INTS1: variants seen among roughly 807,000 people sequenced by gnomAD.
INTS1 encodes integrator complex subunit 1.
Under a neutral mutation model 241.6 loss-of-function variants are expected in INTS1, and 137 were observed. That is an observed-to-expected ratio of 0.57 (90% CI 0.49 to 0.65). The LOEUF is 0.65. Ranked by LOEUF, INTS1 falls within the 30% of genes least tolerant of loss-of-function variation. INTS1 has a pLI of 0.00. For missense variants in INTS1, 3,073 were observed against 3,032.2 expected, an observed-to-expected ratio of 1.01 and a Z score of -0.32; for synonymous variants, 1,692 against 1,337.8, an observed-to-expected ratio of 1.26 and a Z score of -5.78.
chr7:1,489,263 C>G lies in INTS1; in HGVS notation c.2318+81G>C, dbSNP rs1380217597. ...TGCTGATGCAGCACGACCCAGGAGA[C>G]AGCAGGGAACACAGCCCCAGCGGAA... is the stretch of plus-strand genomic sequence containing the variant. On this transcript the variant is annotated intron_variant, in intron 18 of 47. Coordinates refer to ENST00000404767, the MANE Select transcript of INTS1 (RefSeq NM_001080453.3). 4.6e-6 allele frequency: 5 copies of G among 1,092,136 alleles called. No individual in the cohort carries two copies. In the African/African-American group the frequency reaches 7.8e-5, roughly 17 times the overall value. The allele number at this position is 1,092,136 out of a possible 1,614,324, so 67.7% of individuals were successfully genotyped here.
chr7:1,484,931 G>A (rs987500559), intron 24 of INTS1, among the ~76,000 whole-genome samples, 167 bp downstream of exon 24: 1 of 137,968 alleles, frequency 7.2e-6, no homozygotes, highest in East Asian at 2.4e-4. Context: ...CCAGGGCAGG[G>A]TCTCTGTGCT....
rs1486073291 is a variant in INTS1 at position 1,480,923 on chromosome 7, G to T, written c.3861C>A (p.Ala1287=). ...GCTCATGCTGGACCTCCACCAGGTG[G>T]GCCATGTAATCTGCAAACCGTAGCA... ...EQNIMDKNYM[A]HLVEVQHERG... The change falls in exon 29 of 48, where the codon GCC becomes GCA. Residue 1287 remains alanine, a synonymous_variant. Transcript: ENST00000404767. 2 of 1,573,600 alleles carry T rather than the reference G, an allele frequency of 1.3e-6. No homozygotes were observed. Among genetic ancestry groups the T allele is most frequent in the African/African-American group, 2.7e-5 (2 of 74,176 alleles).
chr7:1,486,971 T>A lies in INTS1; in HGVS notation c.2777A>T (p.Glu926Val). Residue 926 changes from glutamate to valine, a missense_variant, in exon 21 of 48, where the codon GAG (glutamate) becomes GTG (valine). Transcript: ENST00000404767. The stretch of plus-strand genomic sequence containing the variant: ...CTTGCTCTCGCCCTCGTCGTCCTCC[T>A]CCCCGGAAGCAGCATCGTCCACAGC... Reference protein sequence around the residue: ...HDAVDDAASGEEDDEGESKEQ... With the variant: ...HDAVDDAASGVEDDEGESKEQ... 1 of 1,608,032 alleles carries A rather than the reference T, an allele frequency of 6.2e-7. No homozygotes were observed. Among genetic ancestry groups the A allele is most frequent in the Non-Finnish European group, 8.5e-7 (1 of 1,179,280 alleles).
chr7:1,499,688 G>C, intron 5 of INTS1, 56 bp from the exon 6 acceptor site: 1 of 1,545,506 alleles, frequency 6.5e-7, no homozygotes, highest in East Asian at 2.3e-5. Context: ...GCCAGGTTGG[G>C]GAACACCCGC....
Position 1,493,202 on chromosome 7 carries a change from G to C in INTS1, c.2069-96C>G, listed in dbSNP as rs904942994. 1 of 916,278 alleles carries C rather than the reference G, an allele frequency of 1.1e-6. No homozygotes were observed. Among genetic ancestry groups the C allele is most frequent in the East Asian group, 2.7e-5 (1 of 36,932 alleles). The allele number at this position is 916,278 out of a possible 1,614,324, so 56.8% of individuals were successfully genotyped here. The stretch of plus-strand genomic sequence containing the variant: ...GGCCCTGCTCGGGCCGCGTCGGGGT[G>C]GGGTGGGGGATGCCGCAGGGTGGGG... On this transcript the variant is annotated intron_variant, in intron 15 of 47. Coordinates refer to ENST00000404767, the MANE Select transcript of INTS1 (RefSeq NM_001080453.3). This position sits in a 1 kb window ranked among gnomAD's most constrained non-coding sequence, Gnocchi z 5.3.
In INTS1 at chr7:1,487,915, G is replaced by A. The variant is rs906610902; in HGVS notation, c.2361C>T (p.Thr787=). 4 of 1,613,344 alleles carry A rather than the reference G, an allele frequency of 2.5e-6. No individual in the cohort carries two copies. Among genetic ancestry groups the A allele is most frequent in the Non-Finnish European group, 2.5e-6 (3 of 1,179,850 alleles). The change falls in exon 19 of 48, where the codon ACC becomes ACT. Residue 787 remains threonine (T), a synonymous_variant. Coordinates refer to ENST00000404767, the MANE Select transcript of INTS1 (RefSeq NM_001080453.3). ...GCTCACGGTTCAGCATCTCCGTCCGGGTCTCCTCATCCGTCAGGGTGCACG... is the reference window on the plus strand; with the variant it reads ...GCTCACGGTTCAGCATCTCCGTCCGAGTCTCCTCATCCGTCAGGGTGCACG... The part of the protein sequence containing the change: ...YPPCTLTDEE[T]RTEMLNRELQ...
At chr7:1,498,874 A>T in intron 8 of INTS1, 22 bp from the exon 9 acceptor site, 1 of 1,584,546 alleles carries the variant, frequency 6.3e-7, no homozygotes, top group Non-Finnish European at 8.6e-7. Flanking sequence ...AGGAGGGAGC[A>T]GTGGGCTCAC....
Position 1,499,049 on chromosome 7 carries a change from T to C in INTS1, c.1063A>G (p.Thr355Ala), listed in dbSNP as rs1430015775. 6.3e-7 allele frequency: 1 copy of C among 1,579,032 alleles called. No homozygotes were observed. The highest frequency in any genetic ancestry group is 1.8e-5 in the Admixed American group (1 of 55,274). ...NVSRNLLRLL[T>A]STCGYKEVRL... ...ACCTCCTTATAGCCGCAGGTGGAGG[T>C]GAGGAGCCGCAGGAGGTTCCTGGAG... is the stretch of plus-strand genomic sequence containing the variant. The change falls in exon 8 of 48, where the codon ACC becomes GCC. Residue 355 changes from threonine to alanine, a missense_variant. Coordinates refer to ENST00000404767, the MANE Select transcript of INTS1 (RefSeq NM_001080453.3).
At chr7:1,498,629 G>GCC in intron 9 of INTS1, 76 bp from the exon 10 acceptor site, 1 of 1,218,404 alleles carries the variant, frequency 8.2e-7, no homozygotes, top group Non-Finnish European at 1.1e-6. Context: ...CACTCCGCCC[G>GCC]CACCCCCGCT....
intron 42 of INTS1, 65 bp from the exon 43 acceptor site, chr7:1,473,249 T>A: frequency 9.2e-7 from 1 of 1,082,420 alleles, no homozygotes; most frequent in Non-Finnish European, 1.3e-6. Context: ...GGGTCAGGGG[T>A]CAAACTAGGG....
rs1315205929 is a variant in INTS1, at chr7:1,471,596, C to G, written c.6230G>C (p.Arg2077Thr). The part of the protein sequence containing the change: ...LSDIDEMSRR[R>T]PEILSFFSTN... ...CGAGAAGAAGCTCAGGATCTCGGGT[C>G]TCCGCCGGGACATCTCGTCTATGTC... The change falls in exon 45 of 48, where the codon AGA (arginine) becomes ACA (threonine). Residue 2077 changes from arginine to threonine, a missense_variant. Physicochemically the swap from Arg to Thr is moderately conservative, Grantham distance 71. Coordinates refer to ENST00000404767, the MANE Select transcript of INTS1 (RefSeq NM_001080453.3). 6.2e-7 allele frequency: 1 copy of G among 1,612,430 alleles called. No homozygotes were observed. The highest frequency in any genetic ancestry group is 1.1e-5 in the South Asian group (1 of 91,088).
In INTS1 at chr7:1,496,273, G is replaced by A. The variant is rs535250245; in HGVS notation, c.1603-9C>T. 6.2e-7 allele frequency: 1 copy of A among 1,612,630 alleles called. No individual in the cohort carries two copies. The highest frequency in any genetic ancestry group is 8.5e-7 in the Non-Finnish European group (1 of 1,178,956). ...TGCACCACGAAGCGCTCCTGCAGGT[G>A]CAGCACGGGGTCTGTATCCAGAAGG... On this transcript the variant is annotated splice_polypyrimidine_tract_variant and intron_variant, in intron 11 of 47. Transcript: ENST00000404767.
intron 20 of INTS1, 78 bp from the exon 21 acceptor site, chr7:1,487,179 G>T: frequency 6.6e-7 from 1 of 1,514,310 alleles, no homozygotes; most frequent in Non-Finnish European, 8.9e-7. Flanking sequence ...TGACCGCGGA[G>T]CCGGAAAGGG....
At chr7:1,491,842 G>A (rs1217266650) in intron 16 of INTS1, among the ~76,000 whole-genome samples, 2 of 152,224 alleles carry the variant, frequency 1.3e-5, no homozygotes, top group Non-Finnish European at 2.9e-5. Context: ...AGGCTGCAGT[G>A]AACCGTTGAT....
chr7:1,478,068 A>T, intron 33 of INTS1, 132 bp from the exon 34 acceptor site: 1 of 793,556 alleles, frequency 1.3e-6, no homozygotes, highest in Non-Finnish European at 2.1e-6. Context: ...AGCCGGAGCC[A>T]GAGAGGAGAG....
At chr7:1,499,218 G>C in intron 7 of INTS1, 37 bp downstream of exon 7, 1 of 1,604,846 alleles carries the variant, frequency 6.2e-7, no homozygotes, top group South Asian at 1.1e-5. Context: ...GCCCGCCCCC[G>C]CCGCCCCCAA....
intron 31 of INTS1, among the ~76,000 whole-genome samples, 190 bp from the exon 32 acceptor site, chr7:1,479,075 G>C (rs373977420): frequency 9.1e-4 from 138 of 152,320 alleles, no homozygotes; most frequent in African/African-American, 3.2e-3. Flanking sequence ...ACCTCACAGA[G>C]ACCCTTTCAA....
rs1781796861 is a variant in INTS1, at chr7:1,477,855, G to A, written c.4712C>T (p.Ala1571Val). ...GGGCTTACAGGCTGGAAACGGGGAG[G>A]CAGCATCCGCAGTGGCAGAGAAGAA... ...TAFFSATADA[A>V]SPFPACKPVV... The change falls in exon 34 of 48, where the codon GCC (alanine) becomes GTC (valine). Residue 1571 changes from alanine to valine, a missense_variant. Transcript: ENST00000404767. 1 of 1,612,500 alleles carries A rather than the reference G, an allele frequency of 6.2e-7. No individual in the cohort carries two copies. Among genetic ancestry groups the A allele is most frequent in the African/African-American group, 1.3e-5 (1 of 74,952 alleles).
rs750608849 is a variant in INTS1, at chr7:1,497,588, C to A, written c.1426-274G>T. Among the ~76,000 whole-genome samples the A allele has an allele frequency of 6.6e-6, 1 of 152,138 alleles. No homozygotes were observed. The highest frequency in any genetic ancestry group is 2.1e-4 in the South Asian group (1 of 4,834). On this transcript the variant is annotated intron_variant, in intron 10 of 47. Transcript: ENST00000404767. The surrounding 1 kb of genome is among the most constrained non-coding windows in gnomAD (Gnocchi z 5.3). Reference sequence around the variant, plus strand: ...TAACGGAAGCTGGGGGTGCGGGACACCAGGCGGCAAAGCCATAGAAGCGCG... The same window carrying A: ...TAACGGAAGCTGGGGGTGCGGGACAACAGGCGGCAAAGCCATAGAAGCGCG...
Sources: gnomAD v4.1 joint callset for allele counts (sites outside exome capture counted in the v4.1 genomes callset) on GRCh38, gnomAD v4.1.1 for gene constraint, Gnocchi (gnomAD v3.1) non-coding constraint, MANE v1.5 for transcripts, NCBI Gene and HGNC (gene_info 2026-07-23, HGNC 2026-07-21) for gene names.